The following PALS1 variants were observed in gnomAD, a reference collection of about 807,000 sequenced individuals.
PALS1 encodes protein PALS1.
A neutral mutation model predicts 78.9 loss-of-function variants in PALS1; 31 were observed. The observed-to-expected ratio is 0.39, with a 90% confidence interval of 0.30 to 0.53. PALS1 has a LOEUF of 0.53. Ranked by LOEUF, PALS1 falls within the 20% of genes least tolerant of loss-of-function variation. PALS1 has a pLI of 0.67. For missense variants in PALS1, 704 were observed against 826.5 expected (o/e 0.85, Z 1.82); for synonymous variants, 276 against 270.9 (o/e 1.02, Z -0.18).
At position 67,300,336 on chromosome 14, in the gene PALS1, C is replaced by CTTT. The variant is rs36091817; in HGVS notation, c.577-1044_577-1042dup. Among the ~76,000 whole-genome samples the CTTT allele has an allele frequency of 2.2e-3, 309 of 139,088 alleles. 11 individuals are homozygous for CTTT. The highest frequency in any genetic ancestry group is 7.8e-3 in the African/African-American group (277 of 35,600). 91.2% of individuals were successfully genotyped at this position (139,088 alleles called of 152,430 possible). On this transcript the variant is annotated intron_variant, in intron 4 of 14. Coordinates refer to ENST00000261681, the MANE Select transcript of PALS1 (RefSeq NM_022474.4). ...ACTGGGTTCCTGTATTATGAATTAC[C>CTTT]TTTTTTTTTTTGAGAAAGTCTCATT...
chr14:67,291,022 G>T lies in PALS1; in HGVS notation c.368-1489G>T, dbSNP rs1221445756. The stretch of plus-strand genomic sequence containing the variant: ...AATATTTTTTAATGACCTACAAGAA[G>T]AAGTTTATAAGCATAGAAACAGTGA... On this transcript the variant is annotated intron_variant, in intron 3 of 14. Transcript: ENST00000261681. Among the ~76,000 whole-genome samples the T allele has an allele frequency of 2.6e-5, 4 of 152,112 alleles. No individual in the cohort carries two copies. In the East Asian group the frequency reaches 7.7e-4, roughly 29 times the overall value.
In PALS1 at chr14:67,292,626, T is replaced by C. The variant is rs1426859980; in HGVS notation, c.483T>C (p.Asn161=). ...TTGTTCAAAATAAGGATTTCCAGAA[T>C]GCATTTAAGATACACAATGCCATCA... ...LQLVQNKDFQ[N]AFKIHNAITV... is the part of the protein sequence containing the mutation. Residue 161 remains asparagine (N), a synonymous_variant, in exon 4 of 15, where the codon AAT becomes AAC. Coordinates refer to ENST00000261681, the MANE Select transcript of PALS1 (RefSeq NM_022474.4). The C allele has an allele frequency of 2.5e-6, 4 of 1,613,784 alleles. No homozygotes were observed. Among genetic ancestry groups the C allele is most frequent in the Non-Finnish European group, 2.5e-6 (3 of 1,179,760 alleles).
At chr14:67,314,400 A>C (rs565120691) in intron 9 of PALS1, among the ~76,000 whole-genome samples, 25 of 152,356 alleles carry the variant, frequency 1.6e-4, no homozygotes, top group African/African-American at 6.0e-4. Flanking sequence ...GAAAGCTTCA[A>C]ATTTCTCACT....
chr14:67,335,196 T>G lies in PALS1; in HGVS notation c.*2240T>G, dbSNP rs1035909801. 1 of 152,230 alleles carries G rather than the reference T, an allele frequency of 6.6e-6. No individual in the cohort carries two copies. The highest frequency in any genetic ancestry group is 1.5e-5 in the Non-Finnish European group (1 of 68,042). 9.4% of individuals were successfully genotyped at this position (152,230 alleles called of 1,614,324 possible). ...TCATCAGCAATGGTAGATAGAAATGTCCTAAACTTTTCTAAATCCTAGTGA... is the reference window on the plus strand; with the variant it reads ...TCATCAGCAATGGTAGATAGAAATGGCCTAAACTTTTCTAAATCCTAGTGA... On this transcript the variant is annotated 3_prime_UTR_variant, in exon 15 of 15. Coordinates refer to ENST00000261681, the MANE Select transcript of PALS1 (RefSeq NM_022474.4).
chr14:67,296,220 T>C (rs921178885), intron 4 of PALS1, among the ~76,000 whole-genome samples: 8 of 152,092 alleles, frequency 5.3e-5, no homozygotes, highest in Non-Finnish European at 1.2e-4. Flanking sequence ...AGGCATTCCA[T>C]GCTCAAAGGG....
rs558818521 is a variant in PALS1 at position 67,323,712 on chromosome 14, C to T, written c.1751C>T (p.Thr584Ile). Residue 584 changes from threonine (T) to isoleucine (I), a missense_variant, in exon 14 of 15, where the codon ACT (threonine) becomes ATT (isoleucine). By Grantham distance (89) the Thr-to-Ile change is moderately conservative. Transcript: ENST00000261681. ...AATGTCTCTTTACAGTCATTGAAGA[C>T]TCTCCGGAATTCAGATTTGAAACCA... is the stretch of plus-strand genomic sequence containing the variant. Reference protein sequence around the residue: ...LLSLRTQSLKTLRNSDLKPYI... With the variant: ...LLSLRTQSLKILRNSDLKPYI... 5.1e-6 allele frequency: 8 copies of T among 1,560,546 alleles called. No individual in the cohort carries two copies. The Admixed American group carries it at 7.7e-5, about 15-fold the overall frequency.
intron 1 of PALS1, among the ~76,000 whole-genome samples, chr14:67,246,244 C>CAAAA (rs1567496540): frequency 6.6e-6 from 1 of 151,660 alleles, no homozygotes; most frequent in Non-Finnish European, 1.5e-5. Flanking sequence ...CAGGTTCAAG[C>CAAAA]AATCCTCCCA....
intron 8 of PALS1, among the ~76,000 whole-genome samples, chr14:67,304,255 A>C (rs1220090230): frequency 6.6e-6 from 1 of 152,216 alleles, no homozygotes; most frequent in Non-Finnish European, 1.5e-5. Context: ...GTTAAAAGTC[A>C]GTCTCCATTA....
At chr14:67,280,857 C>CTCCT (rs2084597575) in intron 3 of PALS1, among the ~76,000 whole-genome samples, 2 of 53,250 alleles carry the variant, frequency 3.8e-5, no homozygotes, top group Non-Finnish European at 8.5e-5. Context: ...CCTTCCTTCC[C>CTCCT]TCCCTCCCTC....
chr14:67,245,815 T>A (rs1290565123), intron 1 of PALS1, among the ~76,000 whole-genome samples: 1 of 150,830 alleles, frequency 6.6e-6, no homozygotes, highest in East Asian at 1.9e-4. Context: ...ATTTGAATAT[T>A]GTATCTAAGA....
chr14:67,253,773 C>A (rs1388188245), intron 1 of PALS1, among the ~76,000 whole-genome samples: 1 of 151,160 alleles, frequency 6.6e-6, no homozygotes, highest in Non-Finnish European at 1.5e-5. Context: ...CCCAGAAAGT[C>A]AAGGCTGTGG....
intron 13 of PALS1, 130 bp from the exon 14 acceptor site, chr14:67,323,572 C>T (rs1010624188): frequency 1.1e-5 from 3 of 262,818 alleles, no homozygotes; most frequent in Admixed American, 5.4e-5. Context: ...TGTGATCACA[C>T]CACTGCACTC....
intron 4 of PALS1, among the ~76,000 whole-genome samples, chr14:67,296,744 C>G (rs2084859761): frequency 6.6e-6 from 1 of 151,972 alleles, no homozygotes; most frequent in Admixed American, 6.6e-5. Flanking sequence ...ACCATATGAT[C>G]TTTGTTTTGA....
intron 14 of PALS1, among the ~76,000 whole-genome samples, chr14:67,324,814 G>T (rs576118586): frequency 6.6e-6 from 1 of 151,304 alleles, no homozygotes; most frequent in Non-Finnish European, 1.5e-5. Flanking sequence ...TGAACTCCTG[G>T]CCTCAAGAAA....
At chr14:67,307,510 C>T (rs971864698) in intron 8 of PALS1, among the ~76,000 whole-genome samples, 1 of 152,086 alleles carries the variant, frequency 6.6e-6, no homozygotes, top group African/African-American at 2.4e-5. Flanking sequence ...TACTCTGTGC[C>T]AGGCACTACA....
At chr14:67,318,951 G>A (rs2085219811) in intron 11 of PALS1, among the ~76,000 whole-genome samples, 1 of 152,054 alleles carries the variant, frequency 6.6e-6, no homozygotes, top group South Asian at 2.1e-4. Context: ...CCAGCTATTC[G>A]GGAGGCTGAG....
intron 3 of PALS1, among the ~76,000 whole-genome samples, chr14:67,283,542 G>A (rs2084632981): frequency 6.6e-6 from 1 of 152,090 alleles, no homozygotes; most frequent in Non-Finnish European, 1.5e-5. Flanking sequence ...TCAAATTTTT[G>A]TTTAGCTATT....
At chr14:67,320,007 T>G (rs1265452685) in intron 11 of PALS1, among the ~76,000 whole-genome samples, 1 of 152,220 alleles carries the variant, frequency 6.6e-6, no homozygotes, top group African/African-American at 2.4e-5. Context: ...TATATTGTAT[T>G]AGACATTCAA....
Position 67,302,045 on chromosome 14 carries a change from A to G in PALS1, c.728A>G (p.Tyr243Cys). 1.2e-6 allele frequency: 2 copies of G among 1,610,710 alleles called. No individual in the cohort carries two copies. ...QLEPITDERV[Y>C]ESIGQYGGET... Reference sequence around the variant, plus strand: ...GAGCCCATTACAGATGAGAGAGTTTATGAAAGTATTGGCCAGTATGGAGGA... The same window carrying G: ...GAGCCCATTACAGATGAGAGAGTTTGTGAAAGTATTGGCCAGTATGGAGGA... Residue 243 changes from tyrosine to cysteine, a missense_variant, in exon 6 of 15, where the codon TAT becomes TGT. Physicochemically the swap from Tyr to Cys is radical, Grantham distance 194 (BLOSUM62 -2). Coordinates refer to ENST00000261681, the MANE Select transcript of PALS1 (RefSeq NM_022474.4).
Sources: gnomAD v4.1 joint callset for allele counts (sites outside exome capture counted in the v4.1 genomes callset) on GRCh38, gnomAD v4.1.1 for gene constraint, MANE v1.5 for transcripts, NCBI Gene and HGNC (gene_info 2026-07-23, HGNC 2026-07-21) for gene names.